Variants in LPP observed in about 807,000 individuals in gnomAD.
The protein encoded by LPP is lipoma-preferred partner.
A neutral mutation model predicts 60.4 loss-of-function variants in LPP; 38 were observed. That is an observed-to-expected ratio of 0.63 (90% CI 0.49 to 0.83). The LOEUF (loss-of-function observed/expected upper bound fraction) is 0.83, where lower values mean the gene tolerates loss of function less well. Ranked by LOEUF, LPP falls within the 40% of genes least tolerant of loss-of-function variation. LPP has a pLI of 0.00. For synonymous variants in LPP, 328 were observed against 290.8 expected (o/e 1.13, Z -1.30); for missense variants, 902 against 783.6 (o/e 1.15, Z -1.80).
chr3:188,439,885 C>T (rs779641130), intron 4 of LPP, among the ~76,000 whole-genome samples: 3 of 152,084 alleles, frequency 2.0e-5, no homozygotes, highest in East Asian at 1.9e-4. Flanking sequence ...AATCTGTAAC[C>T]GACATGTCTA....
chr3:188,807,176 C>T (rs777281006), intron 9 of LPP, among the ~76,000 whole-genome samples: 1 of 151,920 alleles, frequency 6.6e-6, no homozygotes, highest in Non-Finnish European at 1.5e-5. Context: ...TTCTCACTTG[C>T]ATAGTTTCTG....
At chr3:188,656,976 C>T (rs1853363953) in intron 7 of LPP, among the ~76,000 whole-genome samples, 1 of 152,104 alleles carries the variant, frequency 6.6e-6, no homozygotes, top group African/African-American at 2.4e-5. Context: ...GCTAACCACT[C>T]ATTCAGTAGC....
intron 2 of LPP, among the ~76,000 whole-genome samples, chr3:188,262,618 A>G (rs1403470326): frequency 6.7e-6 from 1 of 149,298 alleles, no homozygotes; most frequent in Non-Finnish European, 1.5e-5. Flanking sequence ...ACACCCCCTC[A>G]TCTCTCTCTC....
chr3:188,470,171 G>GTAAGT (rs1801452344), intron 4 of LPP, among the ~76,000 whole-genome samples: 1 of 151,740 alleles, frequency 6.6e-6, no homozygotes, highest in South Asian at 2.1e-4. Context: ...TTTTATATAT[G>GTAAGT]TAAGTTACCT....
intron 5 of LPP, among the ~76,000 whole-genome samples, chr3:188,511,324 C>G (rs1159474587): frequency 1.6e-5 from 2 of 126,492 alleles, no homozygotes; most frequent in Non-Finnish European, 3.3e-5. Flanking sequence ...TCCCCTCTCT[C>G]CCTCCCTCCC....
intron 2 of LPP, among the ~76,000 whole-genome samples, chr3:188,261,045 C>CCTCAGAGCGAGA (rs1733448354): frequency 2.0e-5 from 3 of 152,060 alleles, no homozygotes. Flanking sequence ...TGCACTCCAG[C>CCTCAGAGCGAGA]CTGGGCCACA....
chr3:188,207,617 T>C (rs1257435983), intron 1 of LPP, among the ~76,000 whole-genome samples: 1 of 150,216 alleles, frequency 6.7e-6, no homozygotes, highest in Non-Finnish European at 1.5e-5. Context: ...CTTTTCTTTT[T>C]CTTCTTTTTT....
chr3:188,602,626 A>C (rs1194516650), intron 6 of LPP, among the ~76,000 whole-genome samples: 11 of 151,852 alleles, frequency 7.2e-5, no homozygotes, highest in Admixed American at 7.2e-4. Context: ...TTTGAGAGTC[A>C]GAGTATCTTC....
Position 188,800,525 on chromosome 3 carries a change from G to A in LPP, c.1410+40243G>A, listed in dbSNP as rs190853683. Among the ~76,000 whole-genome samples the A allele has an allele frequency of 3.0e-3, 453 of 152,152 alleles. 3 individuals are homozygous for A. The highest frequency in any genetic ancestry group is 5.0e-3 in the South Asian group (24 of 4,822). On this transcript the variant is annotated intron_variant, in intron 9 of 11. Coordinates refer to ENST00000617246, the MANE Select transcript of LPP (RefSeq NM_001375462.1). The stretch of plus-strand genomic sequence containing the variant: ...CTCCCAAAGTGCTGGGATTACAGGC[G>A]TGAGCCACCACACCCGGCCAAAACT...
chr3:188,361,459 C>T (rs115413402), intron 3 of LPP, among the ~76,000 whole-genome samples: 1,523 of 132,380 alleles, frequency 0.012, 34 homozygotes, highest in African/African-American at 0.04. Context: ...TCCCCTCCCT[C>T]CCTTCCTTCC....
At chr3:188,204,705 C>G (rs886783356) in intron 1 of LPP, among the ~76,000 whole-genome samples, 1 of 152,096 alleles carries the variant, frequency 6.6e-6, no homozygotes, top group African/African-American at 2.4e-5. Context: ...GGCCGCTTGG[C>G]TGGTTGATGT....
chr3:188,226,879 A>G (rs1717964102), intron 2 of LPP, among the ~76,000 whole-genome samples: 2 of 152,186 alleles, frequency 1.3e-5, no homozygotes, highest in Non-Finnish European at 2.9e-5. Context: ...CTGTGTGCCT[A>G]TTGATCTATA....
intron 6 of LPP, among the ~76,000 whole-genome samples, chr3:188,607,370 G>GATATATATAT (rs10527365): frequency 1.3e-4 from 13 of 102,718 alleles, no homozygotes; most frequent in Non-Finnish European, 1.7e-4. Context: ...GAAAATAGAA[G>GATATATATAT]ATATATATAT....
intron 1 of LPP, among the ~76,000 whole-genome samples, chr3:188,157,627 A>AAAGATGAG (rs1716897697): frequency 6.6e-6 from 1 of 152,146 alleles, no homozygotes; most frequent in Non-Finnish European, 1.5e-5. Context: ...CTGAGCGTAC[A>AAAGATGAG]AAGATGAGGT....
rs1473124421 is a variant in LPP, at chr3:188,563,804, C to T, written c.429+39017C>T. Among the ~76,000 whole-genome samples the T allele has an allele frequency of 2.0e-5, 3 of 150,092 alleles. No homozygotes were observed. The East Asian group carries it at 5.9e-4, about 29-fold the overall frequency. On this transcript the variant is annotated intron_variant, in intron 6 of 11. Coordinates refer to ENST00000617246, the MANE Select transcript of LPP (RefSeq NM_001375462.1). ...GCAAATGTTAGAATCCTCATCTTAG[C>T]TCATGTTATCGACCTGGGTTTCCAC...
At chr3:188,424,682 G>A (rs868060715) in intron 4 of LPP, among the ~76,000 whole-genome samples, 36 of 152,158 alleles carry the variant, frequency 2.4e-4, no homozygotes, top group South Asian at 8.3e-4. Context: ...CTTGTAAGTC[G>A]TATTCCTAGG....
intron 2 of LPP, among the ~76,000 whole-genome samples, chr3:188,277,720 A>G (rs6776538): frequency 6.6e-6 from 1 of 151,976 alleles, no homozygotes; most frequent in Non-Finnish European, 1.5e-5. Flanking sequence ...ATTCCTTGTT[A>G]TGGGATAAGG....
At chr3:188,862,913 G>C (rs1428488586) in intron 9 of LPP, among the ~76,000 whole-genome samples, 1 of 151,560 alleles carries the variant, frequency 6.6e-6, no homozygotes, top group Non-Finnish European at 1.5e-5. Flanking sequence ...CATGTCATGG[G>C]TTCAGATGAA....
At chr3:188,194,877 C>T (rs1044050816) in intron 1 of LPP, among the ~76,000 whole-genome samples, 4 of 151,920 alleles carry the variant, frequency 2.6e-5, no homozygotes, top group African/African-American at 9.7e-5. Flanking sequence ...AACACAGGTT[C>T]ATTCAGAGGA....
Sources: allele counts gnomAD v4.1 joint callset (sites outside exome capture counted in the v4.1 genomes callset), GRCh38; gene constraint gnomAD v4.1.1; transcripts MANE v1.5; gene names NCBI Gene and HGNC (gene_info 2026-07-23, HGNC 2026-07-21).